The following BRINP3 variants were observed in gnomAD, a reference collection of about 807,000 sequenced individuals.
BRINP3 encodes BMP/retinoic acid inducible neural specific 3, also known as BMP/retinoic acid-inducible neural-specific protein 3.
BRINP3 carries 19 observed loss-of-function variants against 71.0 expected under a neutral mutation model. That is an observed-to-expected ratio of 0.27 (90% CI 0.19 to 0.39). The LOEUF is 0.39. Ranked by LOEUF, BRINP3 falls within the 10% of genes least tolerant of loss-of-function variation. The probability of loss-of-function intolerance (pLI) is 1.00; values close to 1 mark genes in which losing one functional copy is unlikely to be tolerated. For missense variants in BRINP3, 959 were observed against 940.8 expected, an observed-to-expected ratio of 1.02 and a Z score of -0.25; for synonymous variants, 380 against 337.7, an observed-to-expected ratio of 1.13 and a Z score of -1.37.
At chr1:190,319,484 G>C (rs897805392) in intron 2 of BRINP3, among the ~76,000 whole-genome samples, 1 of 152,018 alleles carries the variant, frequency 6.6e-6, no homozygotes, top group African/African-American at 2.4e-5. Flanking sequence ...AACATTTGAG[G>C]CTGGGTAATT....
intron 2 of BRINP3, 97 bp from the exon 3 acceptor site, chr1:190,281,847 C>T (rs1175441603): frequency 9.0e-7 from 1 of 1,115,386 alleles, no homozygotes; most frequent in Non-Finnish European, 1.3e-6. Context: ...ATTACAATGT[C>T]TCTTGCTTGT....
intron 2 of BRINP3, among the ~76,000 whole-genome samples, chr1:190,352,171 C>G (rs1571834007): frequency 6.6e-6 from 1 of 151,716 alleles, no homozygotes; most frequent in East Asian, 1.9e-4. Context: ...CTGTGGAAAC[C>G]ATAAAAGTTT....
chr1:190,331,868 C>T (rs564071697), intron 2 of BRINP3, among the ~76,000 whole-genome samples: 1 of 152,042 alleles, frequency 6.6e-6, no homozygotes, highest in South Asian at 2.1e-4. Flanking sequence ...TAGGCTCTTT[C>T]CATTTTATAG....
At chr1:190,210,277 A>C (rs947972537) in intron 6 of BRINP3, among the ~76,000 whole-genome samples, 3 of 152,104 alleles carry the variant, frequency 2.0e-5, no homozygotes, top group Non-Finnish European at 4.4e-5. Context: ...ATCAAGTAAA[A>C]ATTCTCTGAA....
In BRINP3 at chr1:190,356,957, T is replaced by C. The variant is rs117934761; in HGVS notation, c.237-75207A>G. Among the ~76,000 whole-genome samples the C allele has an allele frequency of 2.6e-5, 4 of 151,228 alleles. No homozygotes were observed. The East Asian group carries it at 5.8e-4, about 22-fold the overall frequency. On this transcript the variant is annotated intron_variant, in intron 2 of 7. Transcript: ENST00000367462. ...GGAGAAGGGCGACTGAGGAGACAAC[T>C]AGGTTAACAGGTACTCTACAGAGGG...
intron 1 of BRINP3, among the ~76,000 whole-genome samples, chr1:190,469,919 G>A: frequency 6.6e-6 from 1 of 150,884 alleles, no homozygotes; most frequent in East Asian, 1.9e-4. Context: ...TTTAGTTTTT[G>A]ATTTAATTTA....
intron 2 of BRINP3, among the ~76,000 whole-genome samples, chr1:190,298,062 G>C (rs1047093616): frequency 6.6e-6 from 1 of 152,040 alleles, no homozygotes; most frequent in Non-Finnish European, 1.5e-5. Flanking sequence ...ATCTGTGGTC[G>C]TTTGTGCTTT....
intron 2 of BRINP3, among the ~76,000 whole-genome samples, chr1:190,335,448 T>A (rs1008545744): frequency 2.0e-5 from 3 of 151,900 alleles, no homozygotes; most frequent in South Asian, 2.1e-4. Context: ...GATAATTTTT[T>A]ACTTACATGT....
At chr1:190,120,153 T>C (rs560468817) in intron 7 of BRINP3, among the ~76,000 whole-genome samples, 1 of 152,316 alleles carries the variant, frequency 6.6e-6, no homozygotes, top group South Asian at 2.1e-4. Flanking sequence ...GGCTAGTCAT[T>C]AGCAGCTAGT....
chr1:190,238,765 A>T (rs1658774902), intron 4 of BRINP3, among the ~76,000 whole-genome samples: 1 of 152,148 alleles, frequency 6.6e-6, no homozygotes, highest in South Asian at 2.1e-4. Context: ...TATATGAGCT[A>T]GATACACAGC....
At chr1:190,166,237 A>C (rs2102479785) in intron 6 of BRINP3, among the ~76,000 whole-genome samples, 1 of 152,340 alleles carries the variant, frequency 6.6e-6, no homozygotes. Context: ...GAGGCTACAA[A>C]GTGATGGGTA....
At chr1:190,367,678 A>G (rs1223119246) in intron 2 of BRINP3, among the ~76,000 whole-genome samples, 1 of 152,156 alleles carries the variant, frequency 6.6e-6, no homozygotes, top group Non-Finnish European at 1.5e-5. Flanking sequence ...TTCTTCCACC[A>G]AATACCCTAA....
chr1:190,244,264 A>C (rs1410566370), intron 4 of BRINP3, among the ~76,000 whole-genome samples: 2 of 152,040 alleles, frequency 1.3e-5, no homozygotes, highest in Admixed American at 6.6e-5. Context: ...GTTGCAAAAA[A>C]AATATCTGTT....
intron 5 of BRINP3, among the ~76,000 whole-genome samples, chr1:190,231,392 A>C (rs563898771): frequency 6.6e-6 from 1 of 151,972 alleles, no homozygotes; most frequent in South Asian, 2.1e-4. Context: ...AAAATAGCCT[A>C]GTCCTGTGTC....
chr1:190,369,674 GT>G (rs1426556207), intron 2 of BRINP3, among the ~76,000 whole-genome samples: 1 of 151,486 alleles, frequency 6.6e-6, no homozygotes, highest in Non-Finnish European at 1.5e-5. Flanking sequence ...ATGTTCTTGT[GT>G]TTTTTTAATA....
intron 7 of BRINP3, among the ~76,000 whole-genome samples, chr1:190,104,124 G>T (rs1651935381): frequency 6.6e-6 from 1 of 151,930 alleles, no homozygotes; most frequent in Non-Finnish European, 1.5e-5. Context: ...GAGGGAGGGG[G>T]CAGATGGAAG....
At chr1:190,283,535 C>T (rs1262835143) in intron 2 of BRINP3, among the ~76,000 whole-genome samples, 1 of 151,362 alleles carries the variant, frequency 6.6e-6, no homozygotes, top group Non-Finnish European at 1.5e-5. Context: ...TTTATCTTTC[C>T]AAACCTAAGT....
chr1:190,185,058 T>A (rs1027903626), intron 6 of BRINP3, among the ~76,000 whole-genome samples: 2 of 152,138 alleles, frequency 1.3e-5, no homozygotes, highest in Non-Finnish European at 2.9e-5. Flanking sequence ...TATTTCGTAG[T>A]TATGACACCA....
intron 2 of BRINP3, among the ~76,000 whole-genome samples, chr1:190,429,947 T>C (rs1673985527): frequency 6.6e-6 from 1 of 152,132 alleles, no homozygotes. Flanking sequence ...AGTATATATT[T>C]TTACAGTCTC....
Sources: allele counts gnomAD v4.1 joint callset (sites outside exome capture counted in the v4.1 genomes callset), GRCh38; gene constraint gnomAD v4.1.1; transcripts MANE v1.5; gene names NCBI Gene and HGNC (gene_info 2026-07-23, HGNC 2026-07-21).